Variants in IRF8 observed in about 807,000 individuals in gnomAD.
IRF8 encodes interferon consensus sequence binding protein 1.
Under a neutral mutation model 48.7 loss-of-function variants are expected in IRF8, and 14 were observed. The ratio of observed to expected loss-of-function variants is 0.29; its 90% confidence interval spans 0.19 to 0.45. IRF8 has a LOEUF of 0.45. Among genes scored for constraint, IRF8 ranks in the 20% least tolerant of loss-of-function variants. The pLI, the probability that IRF8 is intolerant of heterozygous loss-of-function variation, is 1.00. For missense variants in IRF8, 493 were observed against 580.7 expected (o/e 0.85, Z 1.55); for synonymous variants, 278 against 227.3 (o/e 1.22, Z -2.01).
At chr16:85,919,541 T>C (rs1905462789) in intron 7 of IRF8, among the ~76,000 whole-genome samples, 1 of 151,880 alleles carries the variant, frequency 6.6e-6, no homozygotes, top group Non-Finnish European at 1.5e-5. Context: ...AGTGAGGAGG[T>C]GTGAGGCCGC....
At chr16:85,909,301 C>T in intron 3 of IRF8, 128 bp downstream of exon 3, 1 of 764,462 alleles carries the variant, frequency 1.3e-6, no homozygotes, top group Non-Finnish European at 2.3e-6. Context: ...AAGCAGTTCT[C>T]TCCTTCGTGT....
intron 2 of IRF8, 185 bp downstream of exon 2, chr16:85,903,374 T>C (rs1904890552): frequency 3.2e-6 from 2 of 618,550 alleles, no homozygotes; most frequent in East Asian, 5.6e-5. Flanking sequence ...TCACATCTTT[T>C]GAATTACGGA....
chr16:85,904,695 C>A (rs1383878619), intron 2 of IRF8, among the ~76,000 whole-genome samples: 2 of 151,900 alleles, frequency 1.3e-5, no homozygotes, highest in Non-Finnish European at 2.9e-5. Flanking sequence ...GTTCCAGATT[C>A]TTTCTGATCA....
chr16:85,919,995 C>T, intron 7 of IRF8, 114 bp from the exon 8 acceptor site: 2 of 791,644 alleles, frequency 2.5e-6, no homozygotes, highest in Admixed American at 4.0e-5. Flanking sequence ...TCCCATGGTG[C>T]CCTGGCCTAA....
Position 85,922,097 on chromosome 16 carries a change from C to T in IRF8, c.*815C>T, listed in dbSNP as rs545939497. ...TCGGATTTTCCATGTCCTCCTTTCT[C>T]CTTTGTGCCCAGCCTGAGTCAGCAC... On this transcript the variant is annotated 3_prime_UTR_variant, in exon 9 of 9. Transcript: ENST00000268638. 2 of 144,270 alleles carry T rather than the reference C, an allele frequency of 1.4e-5. No homozygotes were observed. The highest frequency in any genetic ancestry group is 2.0e-4 in the East Asian group (1 of 4,982). The allele number at this position is 144,270 out of a possible 1,614,324, so 8.9% of individuals were successfully genotyped here.
In IRF8 at chr16:85,908,848, T is replaced by C. The variant is rs544803203; in HGVS notation, c.175-142T>C. On this transcript the variant is annotated intron_variant, in intron 2 of 8. Coordinates refer to ENST00000268638, the MANE Select transcript of IRF8 (RefSeq NM_002163.4). ...ACTCAAGACATCTGATTGGAGTCTC[T>C]TTGGGTCCTGAAATTGAATGAGAGT... 3.6e-4 allele frequency: 284 copies of C among 797,216 alleles called. 1 individual carries two copies. In the South Asian group the frequency reaches 3.8e-3, roughly 11 times the overall value. The allele number at this position is 797,216 out of a possible 1,614,324, so 49.4% of individuals were successfully genotyped here. A position where few individuals can be genotyped will look rare whatever the true frequency, so the allele number is the denominator to read the frequency against.
chr16:85,901,477 G>A (rs1196111836), intron 1 of IRF8, among the ~76,000 whole-genome samples: 1 of 152,088 alleles, frequency 6.6e-6, no homozygotes, highest in Non-Finnish European at 1.5e-5. Flanking sequence ...GTATATCTGG[G>A]TGTGGTGGCA....
chr16:85,914,891 G>A (rs1905254270), intron 6 of IRF8, among the ~76,000 whole-genome samples: 2 of 152,174 alleles, frequency 1.3e-5, no homozygotes, highest in Admixed American at 1.3e-4. Context: ...CTGGCGAGTG[G>A]CCTCTTTTGA....
At position 85,921,111 on chromosome 16, in the gene IRF8, G is replaced by T; in HGVS notation, c.1110G>T (p.Glu370Asp). 6.2e-7 allele frequency: 1 copy of T among 1,612,882 alleles called. No individual in the cohort carries two copies. Among genetic ancestry groups the T allele is most frequent in the Non-Finnish European group, 8.5e-7 (1 of 1,179,494 alleles). ...LRSKLILVQIEQLYVRQLAEE... is the reference protein window; with the variant it reads ...LRSKLILVQIDQLYVRQLAEE... The stretch of plus-strand genomic sequence containing the variant: ...TTTCTGCACCTCCCATCTAGATTGA[G>T]CAGCTGTATGTCCGGCAACTGGCAG... Residue 370 changes from glutamate to aspartate, a missense_variant, in exon 9 of 9, where the codon GAG (glutamate) becomes GAT (aspartate). Coordinates refer to ENST00000268638, the MANE Select transcript of IRF8 (RefSeq NM_002163.4).
intron 3 of IRF8, among the ~76,000 whole-genome samples, chr16:85,911,169 T>G (rs1451865698): frequency 6.6e-6 from 1 of 152,224 alleles, no homozygotes; most frequent in Non-Finnish European, 1.5e-5. Flanking sequence ...GACCCCAACC[T>G]GCCAACACGT....
At chr16:85,899,517 C>T (rs577707345) in intron 1 of IRF8, among the ~76,000 whole-genome samples, 4 of 152,274 alleles carry the variant, frequency 2.6e-5, no homozygotes, top group South Asian at 2.1e-4. Context: ...GTTAGGAGAG[C>T]TCATATAATG....
intron 4 of IRF8, 61 bp downstream of exon 4, chr16:85,911,719 C>A: frequency 1.4e-6 from 2 of 1,413,574 alleles, no homozygotes; most frequent in Non-Finnish European, 1.0e-6. Flanking sequence ...TGTCTTCTGG[C>A]AGGGAGGGGC....
intron 1 of IRF8, among the ~76,000 whole-genome samples, chr16:85,900,441 T>A (rs1904794047): frequency 6.6e-6 from 1 of 152,262 alleles, no homozygotes; most frequent in Admixed American, 6.5e-5. Flanking sequence ...TTGTTAATGT[T>A]TAATAAATCA....
At chr16:85,911,001 C>A (rs1382472628) in intron 3 of IRF8, among the ~76,000 whole-genome samples, 1 of 152,194 alleles carries the variant, frequency 6.6e-6, no homozygotes, top group African/African-American at 2.4e-5. Flanking sequence ...CCTGTGGACA[C>A]TGTGCACCTT....
intron 2 of IRF8, among the ~76,000 whole-genome samples, chr16:85,905,994 T>A (rs1408766046): frequency 6.6e-6 from 1 of 152,214 alleles, no homozygotes; most frequent in Non-Finnish European, 1.5e-5. Flanking sequence ...AGTACACTGA[T>A]GAGGCCCTGA....
At chr16:85,905,942 G>A (rs747900231) in intron 2 of IRF8, among the ~76,000 whole-genome samples, 39 of 152,190 alleles carry the variant, frequency 2.6e-4, no homozygotes, top group Non-Finnish European at 4.9e-4. Flanking sequence ...GATCACAGAA[G>A]AGAAATTGAA....
At chr16:85,901,778 G>A (rs575338488) in intron 1 of IRF8, among the ~76,000 whole-genome samples, 5 of 152,238 alleles carry the variant, frequency 3.3e-5, no homozygotes, top group East Asian at 1.9e-4. Flanking sequence ...TCCAGAATGC[G>A]TACTTCTTGT....
Position 85,914,495 on chromosome 16 carries a change from C to T in IRF8, c.576C>T (p.Tyr192=), listed in dbSNP as rs1905238573. Residue 192 remains tyrosine (Y), a synonymous_variant, in exon 6 of 9, where the codon TAC becomes TAT. Transcript: ENST00000268638. ...CAGGCGTGCCGCTGGTGACGGGGTA[C>T]ACCACCTACGACGCGCACCATTCAG... ...PSTGVPLVTG[Y]TTYDAHHSAF... is the part of the protein sequence containing the mutation. 3.7e-6 allele frequency: 6 copies of T among 1,614,162 alleles called. No homozygotes were observed. The East Asian group carries it at 8.9e-5, about 24-fold the overall frequency.
intron 1 of IRF8, among the ~76,000 whole-genome samples, chr16:85,899,533 C>CA (rs1363001408): frequency 6.6e-6 from 1 of 152,158 alleles, no homozygotes; most frequent in Admixed American, 6.5e-5. Context: ...TAATGAACGG[C>CA]AATAGCAACC....
Sources: allele counts gnomAD v4.1 joint callset (sites outside exome capture counted in the v4.1 genomes callset), GRCh38; gene constraint gnomAD v4.1.1; transcripts MANE v1.5; gene names NCBI Gene and HGNC (gene_info 2026-07-23, HGNC 2026-07-21).